Variants in MEI1 observed in about 807,000 individuals in gnomAD.
The protein encoded by MEI1 is meiosis inhibitor protein 1.
MEI1 carries 103 observed loss-of-function variants against 146.2 expected under a neutral mutation model. The observed-to-expected ratio is 0.70, with a 90% CI of 0.60 to 0.83. The LOEUF (loss-of-function observed/expected upper bound fraction) is 0.83. Among genes scored for constraint, MEI1 ranks in the 40% least tolerant of loss-of-function variants. The pLI, the probability that MEI1 is intolerant of heterozygous loss-of-function variation, is 0.00. For missense variants in MEI1, 1,529 were observed against 1,533.0 expected, an observed-to-expected ratio of 1.00 and a Z score of 0.04; for synonymous variants, 652 against 628.2, an observed-to-expected ratio of 1.04 and a Z score of -0.57.
chr22:41,723,919 C>T, intron 6 of MEI1, 24 bp from the exon 7 acceptor site: 3 of 1,575,408 alleles, frequency 1.9e-6, no homozygotes, highest in Admixed American at 1.9e-5. Flanking sequence ...TCTTGCCTTA[C>T]TTCCCAATCC....
intron 19 of MEI1, among the ~76,000 whole-genome samples, chr22:41,766,324 A>T (rs1186280494): frequency 6.6e-6 from 1 of 151,678 alleles, no homozygotes; most frequent in African/African-American, 2.4e-5. Flanking sequence ...GGTGCGTGCC[A>T]CCATGCCTGG....
At chr22:41,783,759 C>T (rs1437253074) in intron 24 of MEI1, among the ~76,000 whole-genome samples, 1 of 152,186 alleles carries the variant, frequency 6.6e-6, no homozygotes, top group African/African-American at 2.4e-5. Flanking sequence ...CAGCTCACTG[C>T]AGCCTTGGCC....
intron 18 of MEI1, among the ~76,000 whole-genome samples, chr22:41,758,999 C>G (rs558552140): frequency 3.3e-5 from 5 of 151,712 alleles, no homozygotes; most frequent in African/African-American, 1.2e-4. Context: ...AAAAATTAGC[C>G]GGGCATGGTG....
At chr22:41,732,900 C>T (rs1193932164) in intron 11 of MEI1, among the ~76,000 whole-genome samples, 1 of 151,396 alleles carries the variant, frequency 6.6e-6, no homozygotes, top group African/African-American at 2.4e-5. Flanking sequence ...CCTGCCTCAG[C>T]CTCCCAAGTA....
intron 19 of MEI1, 145 bp downstream of exon 19, chr22:41,763,466 G>A: frequency 2.5e-6 from 2 of 801,654 alleles, no homozygotes; most frequent in Non-Finnish European, 3.9e-6. Flanking sequence ...GAGAGGAGTA[G>A]GATGCAGACT....
intron 18 of MEI1, among the ~76,000 whole-genome samples, chr22:41,761,708 A>T (rs1272468725): frequency 6.6e-6 from 1 of 152,214 alleles, no homozygotes; most frequent in Non-Finnish European, 1.5e-5. Context: ...GGTATTTAAT[A>T]GTACCTTTAA....
At chr22:41,796,344 C>T (rs970385150) in intron 30 of MEI1, among the ~76,000 whole-genome samples, 4 of 128,434 alleles carry the variant, frequency 3.1e-5, no homozygotes, top group African/African-American at 1.3e-4. Context: ...CCTGCCACCA[C>T]GCCCAGGTTT....
At chr22:41,794,065 T>A in intron 27 of MEI1, 155 bp downstream of exon 27, 1 of 734,630 alleles carries the variant, frequency 1.4e-6, no homozygotes, top group African/African-American at 1.8e-5. Flanking sequence ...TCATGCCCAT[T>A]ATACAGATGG....
Position 41,795,836 on chromosome 22 carries a change from G to T in MEI1, c.3768G>T (p.Leu1256=). 6.2e-7 allele frequency: 1 copy of T among 1,613,534 alleles called. No individual in the cohort carries two copies. The highest frequency in any genetic ancestry group is 8.5e-7 in the Non-Finnish European group (1 of 1,179,712). ...GCACCTCCTCAGGCCAGCCACCCCTGCAGGACATGCTGTATCCTTTCTTGC... is the reference window on the plus strand; with the variant it reads ...GCACCTCCTCAGGCCAGCCACCCCTTCAGGACATGCTGTATCCTTTCTTGC... ...PPSTSSGQPP[L]QDMLCLGGVA... Residue 1256 remains leucine, a synonymous_variant, in exon 30 of 31, where the codon CTG becomes CTT. Coordinates refer to ENST00000401548, the MANE Select transcript of MEI1 (RefSeq NM_152513.4). This position sits in a 1 kb window ranked among gnomAD's most constrained non-coding sequence, Gnocchi z 4.2.
chr22:41,709,351 G>T, intron 3 of MEI1: 1 of 742,852 alleles, frequency 1.3e-6, no homozygotes, highest in Middle Eastern at 2.7e-4. Context: ...TCTCTTCTTT[G>T]CAGGGGCCTT....
Position 41,753,925 on chromosome 22 carries a change from ATTCTTTC to A in MEI1, c.1854-18_1854-12del, listed in dbSNP as rs1569254935. ...CCAAAGTAGCAATGTCATCTCTTCT[ATTCTTTC>A]TTCTTCTCCCTCTAAGTCACTCAGC... On this transcript the variant is annotated splice_polypyrimidine_tract_variant and intron_variant, in intron 16 of 30. Transcript: ENST00000401548. The A allele has an allele frequency of 6.6e-7, 1 of 1,506,084 alleles. No homozygotes were observed. Among genetic ancestry groups the A allele is most frequent in the East Asian group, 2.3e-5 (1 of 44,278 alleles). The allele number at this position is 1,506,084 out of a possible 1,614,324, so 93.3% of individuals were successfully genotyped here.
intron 5 of MEI1, among the ~76,000 whole-genome samples, chr22:41,716,355 C>CTTTTTTTTTTTT (rs6147630): frequency 1.9e-4 from 22 of 118,580 alleles, no homozygotes; most frequent in Non-Finnish European, 2.7e-4. Flanking sequence ...TCCATTCATT[C>CTTTTTTTTTTTT]TTTTTTTTTT....
chr22:41,735,022 C>T (rs1217587128), intron 11 of MEI1, among the ~76,000 whole-genome samples: 5 of 146,600 alleles, frequency 3.4e-5, no homozygotes, highest in Admixed American at 1.4e-4. Flanking sequence ...GGTGCAGTGG[C>T]GTGATCTTGG....
intron 30 of MEI1, among the ~76,000 whole-genome samples, chr22:41,798,202 TAAGA>T (rs1267891721): frequency 4.0e-5 from 6 of 150,268 alleles, no homozygotes; most frequent in African/African-American, 7.3e-5. Context: ...GCCATGTTCT[TAAGA>T]AAGCTTGGAT....
intron 15 of MEI1, 187 bp from the exon 16 acceptor site, chr22:41,752,404 T>C: frequency 1.7e-6 from 1 of 599,216 alleles, no homozygotes; most frequent in Non-Finnish European, 3.0e-6. Context: ...GGTACAAATA[T>C]CAAAACTGAG....
At chr22:41,793,200 C>T (rs995525442) in intron 26 of MEI1, among the ~76,000 whole-genome samples, 3 of 151,666 alleles carry the variant, frequency 2.0e-5, no homozygotes, top group Admixed American at 6.6e-5. Context: ...CCACGCCCAG[C>T]TAATTTTTTG....
intron 3 of MEI1, among the ~76,000 whole-genome samples, chr22:41,710,013 C>T (rs1205537875): frequency 2.0e-5 from 3 of 151,998 alleles, no homozygotes; most frequent in African/African-American, 7.2e-5. Context: ...CCCTAACTCT[C>T]AGAACCTCTG....
chr22:41,740,779 A>T (rs913785844), intron 11 of MEI1, among the ~76,000 whole-genome samples: 1 of 152,150 alleles, frequency 6.6e-6, no homozygotes, highest in Non-Finnish European at 1.5e-5. Context: ...AAGGTGGTGG[A>T]ACTAGGGCTT....
chr22:41,723,888 G>A, intron 6 of MEI1, 55 bp from the exon 7 acceptor site: 1 of 1,549,862 alleles, frequency 6.5e-7, no homozygotes, highest in Non-Finnish European at 8.7e-7. Flanking sequence ...TATCTTGGGA[G>A]TACTCTGGTG....
Sources: gnomAD v4.1 joint callset for allele counts (sites outside exome capture counted in the v4.1 genomes callset) on GRCh38, gnomAD v4.1.1 for gene constraint, Gnocchi (gnomAD v3.1) non-coding constraint, MANE v1.5 for transcripts, NCBI Gene and HGNC (gene_info 2026-07-23, HGNC 2026-07-21) for gene names.